Variants in SARS1 observed in about 807,000 individuals in gnomAD.
SARS1 encodes the protein seryl-tRNA synthetase 1, also known as serine--tRNA ligase, cytoplasmic.
Under a neutral mutation model 63.7 loss-of-function variants are expected in SARS1, and 25 were observed. The observed-to-expected ratio is 0.39, with a 90% CI of 0.29 to 0.55. The LOEUF (loss-of-function observed/expected upper bound fraction) is 0.55. Among genes scored for constraint, SARS1 ranks in the 20% least tolerant of loss-of-function variants. SARS1 has a pLI of 0.62. For synonymous variants in SARS1, 231 were observed against 243.5 expected (o/e 0.95, Z 0.48); for missense variants, 417 against 649.7 (o/e 0.64, Z 3.89).
chr1:109,222,507 T>A (rs1654972006), intron 1 of SARS1, among the ~76,000 whole-genome samples: 1 of 152,174 alleles, frequency 6.6e-6, no homozygotes, highest in Non-Finnish European at 1.5e-5. Flanking sequence ...GTCTACTCCC[T>A]TTGCCCTCCA....
At position 109,237,487 on chromosome 1, in the gene SARS1, ACT is replaced by A. The variant is rs1655338429; in HGVS notation, c.1387+117_1387+118del. The A allele has an allele frequency of 2.0e-6, 3 of 1,483,286 alleles. No homozygotes were observed. The African/African-American group carries it at 4.2e-5, about 21-fold the overall frequency. The allele number at this position is 1,483,286 out of a possible 1,614,324, so 91.9% of individuals were successfully genotyped here. The stretch of plus-strand genomic sequence containing the variant: ...TTTTTGTTCAGACACAGCCCCTGAA[ACT>A]CTGTCTGCCCTCTCGGGCTGGGCAG... On this transcript the variant is annotated intron_variant, in intron 10 of 10. Coordinates refer to ENST00000234677, the MANE Select transcript of SARS1 (RefSeq NM_006513.4). This position sits in a 1 kb window ranked among gnomAD's most constrained non-coding sequence, Gnocchi z 4.1.
chr1:109,217,375 C>T lies in SARS1; in HGVS notation c.136+3247C>T, dbSNP rs1355446477. Among the ~76,000 whole-genome samples the T allele has an allele frequency of 5.3e-5, 8 of 151,990 alleles. No individual in the cohort carries two copies. The East Asian group carries it at 9.7e-4, about 18-fold the overall frequency. On this transcript the variant is annotated intron_variant, in intron 1 of 10. Coordinates refer to ENST00000234677, the MANE Select transcript of SARS1 (RefSeq NM_006513.4). Reference sequence around the variant, plus strand: ...ATTTTATAATAAAGTGTGAATATCTCATGTAATTTATTACTATTGATCATA... The same window carrying T: ...ATTTTATAATAAAGTGTGAATATCTTATGTAATTTATTACTATTGATCATA...
At chr1:109,221,670 A>G (rs529757339) in intron 1 of SARS1, among the ~76,000 whole-genome samples, 1 of 152,156 alleles carries the variant, frequency 6.6e-6, no homozygotes, top group Non-Finnish European at 1.5e-5. Flanking sequence ...ATAGAGATAT[A>G]CCTAATAAAT....
At chr1:109,217,410 C>T (rs1654815700) in intron 1 of SARS1, among the ~76,000 whole-genome samples, 1 of 151,764 alleles carries the variant, frequency 6.6e-6, no homozygotes, top group Non-Finnish European at 1.5e-5. Context: ...AAAGTTTAAG[C>T]ATTATAAGTT....
At chr1:109,233,910 C>T (rs607087) in intron 6 of SARS1, among the ~76,000 whole-genome samples, 39,069 of 130,322 alleles carry the variant, frequency 0.3, 5,658 homozygotes, top group East Asian at 0.48. Flanking sequence ...CACTCTTTCA[C>T]CCAGGCTAAA....
rs1332564548 is a variant in SARS1, at chr1:109,237,174, G to A, written c.1258-70G>A. On this transcript the variant is annotated intron_variant, in intron 9 of 10. Transcript: ENST00000234677. The surrounding 1 kb of genome is among the most constrained non-coding windows in gnomAD (Gnocchi z 4.1). ...GTTGGGGAAGTCTGGTTGAATGGAT[G>A]GTTCCTGGCCGTCAGTAAGACCCGA... 1 of 1,548,936 alleles carries A rather than the reference G, an allele frequency of 6.5e-7. No individual in the cohort carries two copies. The highest frequency in any genetic ancestry group is 1.4e-5 in the African/African-American group (1 of 72,210).
rs145938975 is a variant in SARS1, at chr1:109,228,421, G to A, written c.277G>A (p.Asp93Asn). ...NVLSFDDLTADALANLKVSQI... is the reference protein window; with the variant it reads ...NVLSFDDLTANALANLKVSQI... ...GCTGAGTTTCGATGACCTTACTGCA[G>A]ACGCTTTAGCTGTAAGTTATAGTTC... The change falls in exon 3 of 11, where the codon GAC (aspartate) becomes AAC (asparagine). Residue 93 changes from aspartate (D) to asparagine (N), a missense_variant. Physicochemically the swap from Asp to Asn is conservative, Grantham distance 23. Around this residue, in one of 3 missense-constraint regions of SARS1, gnomAD observed 359 missense variants for 529.6 expected, o/e 0.68. Transcript: ENST00000234677. The A allele has an allele frequency of 3.1e-6, 5 of 1,609,256 alleles. No individual in the cohort carries two copies. The highest frequency in any genetic ancestry group is 1.3e-5 in the African/African-American group (1 of 74,946).
intron 9 of SARS1, chr1:109,236,873 C>A: frequency 1.9e-6 from 3 of 1,597,418 alleles, no homozygotes; most frequent in South Asian, 2.3e-5. Context: ...CCAAGAAGGT[C>A]TGGGTTGTAA....
intron 1 of SARS1, chr1:109,216,661 G>T (rs186194158): frequency 8.0e-6 from 7 of 879,684 alleles, no homozygotes; most frequent in Non-Finnish European, 6.8e-6. Flanking sequence ...TTGAGACAAG[G>T]TCTCACTGTG....
At chr1:109,234,391 T>G (rs1201643188) in intron 6 of SARS1, among the ~76,000 whole-genome samples, 1 of 152,214 alleles carries the variant, frequency 6.6e-6, no homozygotes, top group Non-Finnish European at 1.5e-5. Context: ...TTTTTATGGT[T>G]GTATAATATT....
At chr1:109,226,677 A>AAAATAT (rs1178056468) in intron 2 of SARS1, among the ~76,000 whole-genome samples, 526 of 44,926 alleles carry the variant, frequency 0.012, 7 homozygotes, top group Non-Finnish European at 0.014. Context: ...AAAAAAAAAA[A>AAAATAT]ATATATATAT....
intron 1 of SARS1, among the ~76,000 whole-genome samples, chr1:109,221,960 T>TTGTG (rs1553177401): frequency 8.9e-4 from 9 of 10,058 alleles, no homozygotes; most frequent in Admixed American, 1.7e-3. Flanking sequence ...GCTAATTTTT[T>TTGTG]TGTGTGTGTG....
intron 1 of SARS1, among the ~76,000 whole-genome samples, chr1:109,221,970 G>GTGTATGTATA (rs1654939076): frequency 3.6e-5 from 1 of 28,056 alleles, no homozygotes; most frequent in African/African-American, 1.4e-4. Flanking sequence ...TTGTGTGTGT[G>GTGTATGTATA]TATATATATA....
chr1:109,236,107 G>A lies in SARS1; in HGVS notation c.1099+1G>A. The A allele has an allele frequency of 6.2e-7, 1 of 1,612,142 alleles. No individual in the cohort carries two copies. The highest frequency in any genetic ancestry group is 1.1e-5 in the South Asian group (1 of 90,818). ...TACCACATTGTGAATATTGTCTCAGGTATGGGACCCAGCCTCTTCTCAGCC... is the reference window on the plus strand; with the variant it reads ...TACCACATTGTGAATATTGTCTCAGATATGGGACCCAGCCTCTTCTCAGCC... On this transcript the variant is annotated splice_donor_variant, in intron 8 of 10. Transcript: ENST00000234677. LOFTEE classifies it high-confidence loss of function.
intron 1 of SARS1, among the ~76,000 whole-genome samples, chr1:109,220,660 G>C (rs186379379): frequency 6.6e-6 from 1 of 152,090 alleles, no homozygotes; most frequent in Non-Finnish European, 1.5e-5. Context: ...TCTGTGGCTT[G>C]CCTTTTCATT....
At chr1:109,220,991 AG>A (rs1422875405) in intron 1 of SARS1, among the ~76,000 whole-genome samples, 1 of 152,038 alleles carries the variant, frequency 6.6e-6, no homozygotes, top group Admixed American at 6.5e-5. Flanking sequence ...AACTGAGAAT[AG>A]AAGGGAGCTT....
At chr1:109,220,171 T>C (rs1436864856) in intron 1 of SARS1, among the ~76,000 whole-genome samples, 1 of 152,254 alleles carries the variant, frequency 6.6e-6, no homozygotes, top group East Asian at 1.9e-4. Context: ...GATAAGAACA[T>C]ATGTACATTC....
chr1:109,224,996 T>C (rs780078375), intron 2 of SARS1, among the ~76,000 whole-genome samples: 9 of 152,270 alleles, frequency 5.9e-5, no homozygotes, highest in Non-Finnish European at 1.3e-4. Flanking sequence ...TTCCAGCTAC[T>C]CAGGAGGCTG....
chr1:109,215,558 G>A (rs1654763078), intron 1 of SARS1: 3 of 985,162 alleles, frequency 3.0e-6, no homozygotes, highest in African/African-American at 3.5e-5. Context: ...CCTGGTCCTT[G>A]GTAAGGCCTT....
Sources: allele counts gnomAD v4.1 joint callset (sites outside exome capture counted in the v4.1 genomes callset), GRCh38; gene constraint gnomAD v4.1.1; regional missense constraint gnomAD v4.1.1; non-coding constraint Gnocchi (gnomAD v3.1); transcripts MANE v1.5; gene names NCBI Gene and HGNC (gene_info 2026-07-23, HGNC 2026-07-21).